Variants in CEACAM5 observed in about 807,000 individuals in gnomAD.
CEACAM5 encodes the protein CEA cell adhesion molecule 5, also known as cell adhesion molecule CEACAM5.
CEACAM5 carries 52 observed loss-of-function variants against 63.0 expected under a neutral mutation model. The ratio of observed to expected loss-of-function variants is 0.83; its 90% CI spans 0.66 to 1.04. CEACAM5 has a LOEUF of 1.04. Among genes scored for constraint, CEACAM5 ranks in the 50% least tolerant of loss-of-function variants. CEACAM5 has a pLI of 0.00. For missense variants in CEACAM5, 790 were observed against 864.8 expected, an observed-to-expected ratio of 0.91 and a Z score of 1.08; for synonymous variants, 357 against 351.3, an observed-to-expected ratio of 1.02 and a Z score of -0.18.
At chr19:41,727,764 C>T (rs2072719825) in intron 9 of CEACAM5, among the ~76,000 whole-genome samples, 1 of 152,268 alleles carries the variant, frequency 6.6e-6, no homozygotes, top group Middle Eastern at 3.4e-3. Flanking sequence ...CTAGTTCACT[C>T]GCCTACTCAA....
intron 2 of CEACAM5, among the ~76,000 whole-genome samples, chr19:41,711,595 C>T (rs2072436599): frequency 6.6e-6 from 1 of 152,078 alleles, no homozygotes; most frequent in Non-Finnish European, 1.5e-5. Flanking sequence ...CTCTGGGGTT[C>T]CTTGGCCATG....
At chr19:41,715,379 C>G (rs1186874069) in intron 3 of CEACAM5, 130 bp downstream of exon 3, 2 of 1,411,554 alleles carry the variant, frequency 1.4e-6, no homozygotes, top group African/African-American at 2.8e-5. Flanking sequence ...CTGTCTGTGA[C>G]TTTCTGCCCC....
intron 4 of CEACAM5, among the ~76,000 whole-genome samples, chr19:41,716,317 T>C (rs1555815070): frequency 6.6e-6 from 1 of 152,234 alleles, no homozygotes; most frequent in Non-Finnish European, 1.5e-5. Flanking sequence ...CATACTTTTT[T>C]CCCAAATGAG....
At chr19:41,713,475 A>G (rs1288203626) in intron 2 of CEACAM5, among the ~76,000 whole-genome samples, 1 of 152,220 alleles carries the variant, frequency 6.6e-6, no homozygotes, top group Non-Finnish European at 1.5e-5. Context: ...TACACATAAG[A>G]CATACTCAAT....
At chr19:41,727,841 TA>T (rs1555817340) in intron 9 of CEACAM5, among the ~76,000 whole-genome samples, 1 of 152,204 alleles carries the variant, frequency 6.6e-6, no homozygotes, top group African/African-American at 2.4e-5. Context: ...TAATCTTTTT[TA>T]CTTCCTTTAC....
At chr19:41,714,904 A>G in intron 2 of CEACAM5, 67 bp from the exon 3 acceptor site, 7 of 1,606,120 alleles carry the variant, frequency 4.4e-6, no homozygotes, top group Non-Finnish European at 6.0e-6. Context: ...GCCAACTCTG[A>G]TTGAAAGATG....
chr19:41,714,558 A>C (rs191911257), intron 2 of CEACAM5, among the ~76,000 whole-genome samples: 19 of 152,346 alleles, frequency 1.2e-4, no homozygotes, highest in African/African-American at 4.6e-4. Context: ...AAGGGAAACC[A>C]CAGAAAAAAT....
chr19:41,720,294 C>A, intron 7 of CEACAM5, 86 bp downstream of exon 7: 1 of 1,480,380 alleles, frequency 6.8e-7, no homozygotes, highest in Non-Finnish European at 9.2e-7. Flanking sequence ...CTCCTCAGGT[C>A]CAAAGAGGCA....
chr19:41,721,168 C>G lies in CEACAM5; in HGVS notation c.2018C>G (p.Thr673Arg). ...GRNNSIVKSI[T>R]VSASGTSPGL... ...AATAATTCCATAGTCAAGAGCATCA[C>G]AGTCTCTGGTAAGTGGCTCCCTGGA... Residue 673 changes from threonine to arginine, a missense_variant, in exon 8 of 10, where the codon ACA becomes AGA. Thr to Arg is a moderately conservative substitution (Grantham distance 71, BLOSUM62 -1). Transcript: ENST00000221992. 6.2e-7 allele frequency: 1 copy of G among 1,614,200 alleles called. No homozygotes were observed. The highest frequency in any genetic ancestry group is 8.5e-7 in the Non-Finnish European group (1 of 1,180,020).
At chr19:41,716,786 A>G (rs992820723) in intron 4 of CEACAM5, among the ~76,000 whole-genome samples, 13 of 152,214 alleles carry the variant, frequency 8.5e-5, no homozygotes, top group African/African-American at 3.1e-4. Context: ...TAACTTTTCT[A>G]CACATGCAGT....
intron 8 of CEACAM5, among the ~76,000 whole-genome samples, chr19:41,725,103 C>T (rs1322152743): frequency 6.6e-6 from 1 of 152,094 alleles, no homozygotes; most frequent in African/African-American, 2.4e-5. Context: ...TCACACATTG[C>T]CTTTATTATG....
In CEACAM5 at chr19:41,718,351, C is replaced by T. The variant is rs1315867518; in HGVS notation, c.1461C>T (p.Ser487=). 2 of 1,614,058 alleles carry T rather than the reference C, an allele frequency of 1.2e-6. No homozygotes were observed. The highest frequency in any genetic ancestry group is 1.6e-4 in the Middle Eastern group (1 of 6,084). Residue 487 remains serine (S), a synonymous_variant, in exon 6 of 10, where the codon AGC becomes AGT. Transcript: ENST00000221992. The stretch of plus-strand genomic sequence containing the variant: ...CCAATAACTCAGCCAGTGGCCACAG[C>T]AGGACTACAGTCAAGACAATCACAG... The part of the protein sequence containing the change: ...CQANNSASGH[S]RTTVKTITVS...
At chr19:41,715,528 G>T in intron 3 of CEACAM5, 122 bp from the exon 4 acceptor site, 1 of 1,321,752 alleles carries the variant, frequency 7.6e-7, no homozygotes, top group East Asian at 2.3e-5. Context: ...GATACAAGAG[G>T]GGTTTGGCTG....
intron 3 of CEACAM5, 163 bp from the exon 4 acceptor site, chr19:41,715,487 A>G (rs1568703659): frequency 8.8e-7 from 1 of 1,135,064 alleles, no homozygotes. Context: ...GATGGGAGAA[A>G]CAGGTGAATA....
chr19:41,712,157 C>T (rs949695734), intron 2 of CEACAM5, among the ~76,000 whole-genome samples: 3 of 152,232 alleles, frequency 2.0e-5, no homozygotes, highest in Non-Finnish European at 4.4e-5. Flanking sequence ...ATGCTTATTT[C>T]ACTCACTTCA....
chr19:41,716,000 T>C (rs1220684467), intron 4 of CEACAM5, 96 bp downstream of exon 4: 3 of 1,427,806 alleles, frequency 2.1e-6, no homozygotes, highest in Non-Finnish European at 2.9e-6. Context: ...TCCCAGCCTG[T>C]GTCCAGTGGG....
intron 2 of CEACAM5, 34 bp from the exon 3 acceptor site, chr19:41,714,937 A>G (rs782815191): frequency 6.2e-7 from 1 of 1,613,526 alleles, no homozygotes; most frequent in South Asian, 1.1e-5. Flanking sequence ...CAAAGGTGCC[A>G]CACAGGGCAA....
At chr19:41,709,370 A>T (rs1555813475) in intron 1 of CEACAM5, among the ~76,000 whole-genome samples, 1 of 152,128 alleles carries the variant, frequency 6.6e-6, no homozygotes, top group African/African-American at 2.4e-5. Flanking sequence ...TCTCTAGAGG[A>T]GGTGTCAGGG....
intron 8 of CEACAM5, among the ~76,000 whole-genome samples, chr19:41,722,899 G>A (rs1168427257): frequency 6.7e-6 from 1 of 149,890 alleles, no homozygotes; most frequent in African/African-American, 2.5e-5. Flanking sequence ...TTTTTTGTTT[G>A]TTTGTTTGTT....
Sources: allele counts gnomAD v4.1 joint callset (sites outside exome capture counted in the v4.1 genomes callset), GRCh38; gene constraint gnomAD v4.1.1; transcripts MANE v1.5; gene names NCBI Gene and HGNC (gene_info 2026-07-23, HGNC 2026-07-21).